CNTN3: variants seen among roughly 807,000 people sequenced by gnomAD.
CNTN3 encodes contactin 3, also known as contactin-3.
In CNTN3, 60 loss-of-function variants were observed where a neutral mutation model predicts 119.1. The observed-to-expected ratio is 0.50, with a 90% CI of 0.41 to 0.62. The LOEUF (loss-of-function observed/expected upper bound fraction) is 0.62. Ranked by LOEUF, CNTN3 falls within the 20% of genes least tolerant of loss-of-function variation. The pLI is 0.00. For synonymous variants in CNTN3, 450 were observed against 438.7 expected, an observed-to-expected ratio of 1.03 and a Z score of -0.32; for missense variants, 1,101 against 1,242.4, an observed-to-expected ratio of 0.89 and a Z score of 1.71.
At chr3:74,287,449 G>T (rs1702136808) in intron 19 of CNTN3, among the ~76,000 whole-genome samples, 1 of 152,128 alleles carries the variant, frequency 6.6e-6, no homozygotes. Flanking sequence ...AGCCATTAAA[G>T]AATAGGTATT....
Position 74,546,606 on chromosome 3 carries a change from G to C in CNTN3, c.-80-25414C>G, listed in dbSNP as rs570549904. On this transcript the variant is annotated intron_variant, in intron 1 of 22. Transcript: ENST00000263665. ...CCTGCTCTCAAACATCAGACTCCAA[G>C]TTCATCAGCCTGTGGACTCTTGGAC... 9.2e-5 allele frequency among the ~76,000 whole-genome samples: 14 copies of C among 152,258 alleles called. No homozygotes were observed. In the South Asian group the frequency reaches 2.7e-3, roughly 29 times the overall value.
At chr3:74,464,719 C>G (rs1702431652) in intron 4 of CNTN3, among the ~76,000 whole-genome samples, 1 of 152,176 alleles carries the variant, frequency 6.6e-6, no homozygotes, top group Non-Finnish European at 1.5e-5. Flanking sequence ...TTCTCCTCCT[C>G]CTCCTTTGCT....
At chr3:74,563,387 C>A (rs748040340) in intron 1 of CNTN3, among the ~76,000 whole-genome samples, 16 of 152,124 alleles carry the variant, frequency 1.1e-4, no homozygotes, top group Admixed American at 9.8e-4. Context: ...TAATGGCATA[C>A]GTGGTAGGAT....
chr3:74,412,083 G>T (rs1701447354), intron 5 of CNTN3, among the ~76,000 whole-genome samples: 2 of 152,154 alleles, frequency 1.3e-5, no homozygotes, highest in African/African-American at 2.4e-5. Context: ...CTTAGTTATG[G>T]TGTTTACTTT....
chr3:74,581,849 G>T (rs926431068), intron 1 of CNTN3, among the ~76,000 whole-genome samples: 6 of 152,066 alleles, frequency 3.9e-5, no homozygotes, highest in African/African-American at 1.4e-4. Flanking sequence ...GGCAGTGCAC[G>T]GGGGAAGTCT....
intron 10 of CNTN3, among the ~76,000 whole-genome samples, chr3:74,363,754 C>A (rs1704128068): frequency 6.6e-6 from 1 of 151,996 alleles, no homozygotes; most frequent in Non-Finnish European, 1.5e-5. Flanking sequence ...GAACACTGGA[C>A]CAAATTATGC....
rs1166794477 is a variant in CNTN3, at chr3:74,299,661, C to T, written c.2166+207G>A. Among the ~76,000 whole-genome samples, 4 of 152,198 alleles carry T rather than the reference C, an allele frequency of 2.6e-5. No homozygotes were observed. The East Asian group carries it at 7.7e-4, about 29-fold the overall frequency. On this transcript the variant is annotated intron_variant, in intron 17 of 22. Transcript: ENST00000263665. ...CAGAGAAAGTATCAAAAAATATTAG[C>T]TACTAGGGCTACAACCACCACCACC... is the stretch of plus-strand genomic sequence containing the variant.
chr3:74,363,859 T>C (rs1341089117), intron 10 of CNTN3, among the ~76,000 whole-genome samples: 1 of 152,148 alleles, frequency 6.6e-6, no homozygotes, highest in African/African-American at 2.4e-5. Context: ...ATTTGTGCTA[T>C]GCTACACTAT....
chr3:74,513,297 T>C (rs1228371664), intron 2 of CNTN3, among the ~76,000 whole-genome samples: 2 of 152,122 alleles, frequency 1.3e-5, no homozygotes, highest in Admixed American at 1.3e-4. Context: ...CCAATCAATG[T>C]CACAATGGCA....
chr3:74,473,079 AAT>A (rs1403401349), intron 4 of CNTN3, among the ~76,000 whole-genome samples: 1 of 151,500 alleles, frequency 6.6e-6, no homozygotes, highest in Non-Finnish European at 1.5e-5. Flanking sequence ...AAATTAAAAA[AAT>A]ATAATCTAAG....
rs35201394 is a variant in CNTN3 at position 74,322,169 on chromosome 3, C to CAA, written c.1668+12564_1668+12565dup. On this transcript the variant is annotated intron_variant, in intron 13 of 22. Coordinates refer to ENST00000263665, the MANE Select transcript of CNTN3 (RefSeq NM_020872.3). ...ACATTGCACTCCAGCCTGGGTGACTCAAAAAAAAAAAAAAAAAAAGATGTT... is the reference window on the plus strand; with the variant it reads ...ACATTGCACTCCAGCCTGGGTGACTCAAAAAAAAAAAAAAAAAAAAAGATGTT... Among the ~76,000 whole-genome samples, 421 of 94,118 alleles carry CAA rather than the reference C, an allele frequency of 4.5e-3. 5 individuals are homozygous for CAA. The highest frequency in any genetic ancestry group is 0.015 in the African/African-American group (384 of 26,016). The allele number at this position is 94,118 out of a possible 152,430, so 61.7% of individuals were successfully genotyped here.
chr3:74,595,084 A>G (rs1704779314), intron 1 of CNTN3, among the ~76,000 whole-genome samples: 1 of 151,994 alleles, frequency 6.6e-6, no homozygotes, highest in Non-Finnish European at 1.5e-5. Context: ...TTTTGGCTGC[A>G]TAAATGTCTT....
intron 5 of CNTN3, among the ~76,000 whole-genome samples, chr3:74,408,229 A>G (rs1165857439): frequency 1.3e-5 from 2 of 152,216 alleles, no homozygotes; most frequent in Non-Finnish European, 2.9e-5. Context: ...AAATCCCTGG[A>G]TTTAAGACTA....
intron 1 of CNTN3, among the ~76,000 whole-genome samples, chr3:74,539,675 C>A (rs1289173902): frequency 6.6e-6 from 1 of 152,088 alleles, no homozygotes; most frequent in Non-Finnish European, 1.5e-5. Flanking sequence ...CTGTTAAGTG[C>A]TGGTTATCCT....
At chr3:74,522,736 T>C (rs566431730) in intron 1 of CNTN3, among the ~76,000 whole-genome samples, 2 of 151,472 alleles carry the variant, frequency 1.3e-5, no homozygotes, top group Admixed American at 1.3e-4. Context: ...TGCCCAGTAC[T>C]TGTAACCTCC....
At chr3:74,375,559 C>T (rs1704457531) in intron 5 of CNTN3, among the ~76,000 whole-genome samples, 2 of 151,990 alleles carry the variant, frequency 1.3e-5, no homozygotes, top group Admixed American at 6.6e-5. Context: ...TAATGTAAAC[C>T]CAAGAGTCCT....
chr3:74,515,833 C>G (rs962151630), intron 2 of CNTN3, among the ~76,000 whole-genome samples: 1 of 152,012 alleles, frequency 6.6e-6, no homozygotes, highest in Admixed American at 6.6e-5. Context: ...CAGCGTTTGA[C>G]CATTCACTTA....
intron 5 of CNTN3, among the ~76,000 whole-genome samples, chr3:74,385,773 T>C (rs1374350014): frequency 2.6e-5 from 4 of 152,222 alleles, no homozygotes; most frequent in Non-Finnish European, 5.9e-5. Flanking sequence ...TAATTCTATA[T>C]TATAAAATAT....
chr3:74,375,161 C>T (rs139962240), intron 5 of CNTN3, among the ~76,000 whole-genome samples: 1 of 152,020 alleles, frequency 6.6e-6, no homozygotes, highest in East Asian at 1.9e-4. Flanking sequence ...CAAACACAAC[C>T]CCAGAAAATC....
Sources: gnomAD v4.1 joint callset for allele counts (sites outside exome capture counted in the v4.1 genomes callset) on GRCh38, gnomAD v4.1.1 for gene constraint, MANE v1.5 for transcripts, NCBI Gene and HGNC (gene_info 2026-07-23, HGNC 2026-07-21) for gene names.